VWA8: variants seen among roughly 807,000 people sequenced by gnomAD.
VWA8 encodes von Willebrand factor A domain containing 8, also known as von Willebrand factor A domain-containing protein 8.
Under a neutral mutation model 241.5 loss-of-function variants are expected in VWA8, and 221 were observed. The observed-to-expected ratio is 0.91, with a 90% CI of 0.82 to 1.02. VWA8 has a LOEUF of 1.02. VWA8 is among the 50% of genes least tolerant of loss of function. The pLI is 0.00. For synonymous variants in VWA8, 852 were observed against 827.1 expected (o/e 1.03, Z -0.52); for missense variants, 2,322 against 2,328.7 (o/e 1.00, Z 0.06).
At position 41,815,833 on chromosome 13, in the gene VWA8, A is replaced by G. The variant is rs9532928; in HGVS notation, c.1947+865T>C. 5.5e-3 allele frequency among the ~76,000 whole-genome samples: 831 copies of G among 152,378 alleles called. 4 individuals are homozygous for G. Among genetic ancestry groups the G allele is most frequent in the Non-Finnish European group, 9.2e-3 (624 of 68,042 alleles). ...AGTCAAGAGGATATAATATTCCAGG[A>G]GAAAGATTATGAAATCCACTACTAG... On this transcript the variant is annotated intron_variant, in intron 16 of 44. Coordinates refer to ENST00000379310, the MANE Select transcript of VWA8 (RefSeq NM_015058.2).
intron 44 of VWA8, among the ~76,000 whole-genome samples, chr13:41,569,947 G>A (rs899066027): frequency 6.6e-6 from 1 of 151,956 alleles, no homozygotes; most frequent in African/African-American, 2.4e-5. Context: ...CAATAAGAAG[G>A]GATACATGTG....
intron 17 of VWA8, among the ~76,000 whole-genome samples, chr13:41,802,600 G>A (rs1870010306): frequency 6.6e-6 from 1 of 152,202 alleles, no homozygotes; most frequent in African/African-American, 2.4e-5. Flanking sequence ...CTGAAGGAAA[G>A]GAGAGGGGAG....
chr13:41,901,500 TC>T (rs1177533833), intron 4 of VWA8, among the ~76,000 whole-genome samples: 3 of 152,168 alleles, frequency 2.0e-5, no homozygotes, highest in Non-Finnish European at 2.9e-5. Context: ...AACGTAGGTC[TC>T]CCAATAAAAG....
At chr13:41,946,281 C>T (rs1362343206) in intron 2 of VWA8, among the ~76,000 whole-genome samples, 1 of 151,772 alleles carries the variant, frequency 6.6e-6, no homozygotes, top group African/African-American at 2.4e-5. Flanking sequence ...TAAAGGGCAT[C>T]CTTCCTTTAA....
At chr13:41,630,672 A>C (rs1347237086) in intron 37 of VWA8, among the ~76,000 whole-genome samples, 2 of 152,096 alleles carry the variant, frequency 1.3e-5, no homozygotes, top group Non-Finnish European at 2.9e-5. Flanking sequence ...ATTATCGTGC[A>C]ACAAAAACAC....
Position 41,670,979 on chromosome 13 carries a change from T to C in VWA8, c.4578A>G (p.Arg1526=), listed in dbSNP as rs934432280. 4 of 1,613,732 alleles carry C rather than the reference T, an allele frequency of 2.5e-6. No homozygotes were observed. Among genetic ancestry groups the C allele is most frequent in the Non-Finnish European group, 2.5e-6 (3 of 1,179,846 alleles). The stretch of plus-strand genomic sequence containing the variant: ...TTCTGTCATCTTGTCCAATCATGTT[T>C]CTCCATTCCATGAGTGATCGCTGCA... The part of the protein sequence containing the change: ...ERLQRSLMEW[R]NMIGQDDRNM... Residue 1526 remains arginine (R), a synonymous_variant, in exon 37 of 45, where the codon AGA becomes AGG. Coordinates refer to ENST00000379310, the MANE Select transcript of VWA8 (RefSeq NM_015058.2).
intron 2 of VWA8, chr13:41,925,991 C>A: frequency 2.5e-6 from 1 of 394,904 alleles, no homozygotes; most frequent in South Asian, 3.4e-5. Context: ...CAGGTAGGAT[C>A]CATGCTAAAA....
At chr13:41,654,419 C>A (rs2044888036) in intron 37 of VWA8, among the ~76,000 whole-genome samples, 1 of 152,126 alleles carries the variant, frequency 6.6e-6, no homozygotes, top group South Asian at 2.1e-4. Context: ...GGCCCCAGGA[C>A]CTGGTTTCGT....
chr13:41,607,601 G>C (rs2044561248), intron 39 of VWA8, among the ~76,000 whole-genome samples: 1 of 152,088 alleles, frequency 6.6e-6, no homozygotes, highest in South Asian at 2.1e-4. Flanking sequence ...AGTGAGATTA[G>C]CACTGATTAG....
chr13:41,701,265 G>T, intron 28 of VWA8, 127 bp downstream of exon 28: 1 of 1,172,162 alleles, frequency 8.5e-7, no homozygotes, highest in Non-Finnish European at 1.2e-6. Flanking sequence ...ACATATAATT[G>T]CTATCCAATC....
At chr13:41,822,547 T>C (rs1021946132) in intron 14 of VWA8, among the ~76,000 whole-genome samples, 1 of 152,190 alleles carries the variant, frequency 6.6e-6, no homozygotes, top group Admixed American at 6.6e-5. Context: ...CTATTGTTAA[T>C]GACCATCATT....
intron 43 of VWA8, among the ~76,000 whole-genome samples, chr13:41,571,651 T>C (rs1181091424): frequency 2.0e-5 from 3 of 152,160 alleles, no homozygotes; most frequent in Non-Finnish European, 4.4e-5. Context: ...CACTCAGTGC[T>C]CAACATTGCC....
At chr13:41,760,386 G>A (rs1488168022) in intron 21 of VWA8, among the ~76,000 whole-genome samples, 2 of 151,684 alleles carry the variant, frequency 1.3e-5, no homozygotes, top group Non-Finnish European at 2.9e-5. Context: ...TGATCACTTA[G>A]TGAAAAGACC....
In VWA8 at chr13:41,690,202, C is replaced by T. The variant is rs2045166389; in HGVS notation, c.3940G>A (p.Glu1314Lys). ...SGVCQLYVLKEEPPSTGFGVT... is the reference protein window; with the variant it reads ...SGVCQLYVLKKEPPSTGFGVT... ...CCAAACCCTGTGCTGGGCGGCTCCT[C>T]TTTCAGCACATACAACTGGCAAACC... Residue 1314 changes from glutamate (E) to lysine (K), a missense_variant, in exon 33 of 45, where the codon GAG (glutamate) becomes AAG (lysine). Glu to Lys is a moderately conservative substitution (Grantham distance 56). Transcript: ENST00000379310. 6.2e-7 allele frequency: 1 copy of T among 1,612,626 alleles called. No individual in the cohort carries two copies. Among genetic ancestry groups the T allele is most frequent in the African/African-American group, 1.3e-5 (1 of 74,826 alleles).
At chr13:41,854,198 AG>A (rs1301896401) in intron 12 of VWA8, among the ~76,000 whole-genome samples, 1 of 152,164 alleles carries the variant, frequency 6.6e-6, no homozygotes, top group Non-Finnish European at 1.5e-5. Context: ...TATGAGTTCT[AG>A]TTGTTGCCTA....
chr13:41,868,887 C>CAAAA (rs56124196), intron 9 of VWA8, among the ~76,000 whole-genome samples: 1 of 75,906 alleles, frequency 1.3e-5, no homozygotes, highest in Non-Finnish European at 2.3e-5. Flanking sequence ...GACTCCGTCT[C>CAAAA]AAAAAAAAAA....
At chr13:41,660,985 C>A (rs1003530111) in intron 37 of VWA8, among the ~76,000 whole-genome samples, 1 of 151,928 alleles carries the variant, frequency 6.6e-6, no homozygotes, top group Non-Finnish European at 1.5e-5. Context: ...CCTGCTTCAG[C>A]CTCCCAAGTA....
chr13:41,762,481 T>G (rs11619225), intron 20 of VWA8, among the ~76,000 whole-genome samples: 23,965 of 152,098 alleles, frequency 0.16, 2,071 homozygotes, highest in Non-Finnish European at 0.2. Context: ...ATGATTCTGA[T>G]GCTCATAATT....
At chr13:41,899,730 T>A (rs902973288) in intron 4 of VWA8, among the ~76,000 whole-genome samples, 9 of 152,144 alleles carry the variant, frequency 5.9e-5, no homozygotes, top group African/African-American at 1.7e-4. Context: ...AGCAACTGAA[T>A]AGAACAAATG....
Sources: allele counts gnomAD v4.1 joint callset (sites outside exome capture counted in the v4.1 genomes callset), GRCh38; gene constraint gnomAD v4.1.1; transcripts MANE v1.5; gene names NCBI Gene and HGNC (gene_info 2026-07-23, HGNC 2026-07-21).